Variants in MAP7 observed in about 807,000 individuals in gnomAD.
MAP7 encodes ensconsin.
In MAP7, 52 loss-of-function variants were observed where a neutral mutation model predicts 94.8. The ratio of observed to expected loss-of-function variants is 0.55; its 90% CI spans 0.44 to 0.69. MAP7 has a LOEUF of 0.69. Among genes scored for constraint, MAP7 ranks in the 30% least tolerant of loss-of-function variants. The pLI is 0.00. For missense variants in MAP7, 940 were observed against 964.6 expected (o/e 0.97, Z 0.34); for synonymous variants, 350 against 357.0 (o/e 0.98, Z 0.22).
chr6:136,357,093 T>C (rs777694089), intron 15 of MAP7, among the ~76,000 whole-genome samples: 2 of 152,210 alleles, frequency 1.3e-5, no homozygotes, highest in African/African-American at 2.4e-5. Flanking sequence ...TTACATGAAG[T>C]ATATAATATT....
intron 1 of MAP7, chr6:136,475,794 T>G (rs541338407): frequency 6.6e-6 from 1 of 152,272 alleles, no homozygotes; most frequent in African/African-American, 2.4e-5. Flanking sequence ...ATCTTCCCAA[T>G]GGAGAAGAGA....
intron 13 of MAP7, 122 bp from the exon 14 acceptor site, chr6:136,360,153 C>CA: frequency 1.7e-6 from 1 of 600,140 alleles, no homozygotes; most frequent in Non-Finnish European, 2.8e-6. Context: ...ACAATATGCA[C>CA]TTTTTTTTTT....
At chr6:136,377,624 C>A (rs1274129630) in intron 7 of MAP7, 131 bp downstream of exon 7, 5 of 661,248 alleles carry the variant, frequency 7.6e-6, no homozygotes, top group African/African-American at 7.1e-5. Flanking sequence ...GGTATGAAAC[C>A]AACACCGACA....
chr6:136,478,087 G>A (rs115464102), intron 1 of MAP7, among the ~76,000 whole-genome samples: 237 of 152,208 alleles, frequency 1.6e-3, no homozygotes, highest in African/African-American at 5.5e-3. Context: ...CAAATTTCTT[G>A]TAACAAATGA....
At chr6:136,538,165 TGCCCACA>T (rs1392256337) in intron 1 of MAP7, among the ~76,000 whole-genome samples, 17 of 152,230 alleles carry the variant, frequency 1.1e-4, no homozygotes, top group South Asian at 4.1e-4. Context: ...CTCACCCACA[TGCCCACA>T]CACCACACCC....
In MAP7 at chr6:136,361,063, C is replaced by T. The variant is rs773760531; in HGVS notation, c.1643G>A (p.Arg548Gln). ...GCGCAGCGCCCGCTCCTCCGCCTGC[C>T]GCTGCAGCTGCTCCTCCTTCTCCCG... ...QAREKEEQLQ[R>Q]QAEERALRER... Residue 548 changes from arginine to glutamine, a missense_variant, in exon 12 of 18, where the codon CGG becomes CAG. By Grantham distance (43) the Arg-to-Gln change is conservative. Transcript: ENST00000354570. 8 of 1,598,808 alleles carry T rather than the reference C, an allele frequency of 5.0e-6. 1 individual carries two copies. In the South Asian group the frequency reaches 6.6e-5, roughly 13 times the overall value.
At chr6:136,460,022 TC>T (rs986490626) in intron 1 of MAP7, among the ~76,000 whole-genome samples, 1 of 152,074 alleles carries the variant, frequency 6.6e-6, no homozygotes, top group African/African-American at 2.4e-5. Flanking sequence ...GACTCCACAA[TC>T]CCACTTTTGA....
At chr6:136,463,880 G>A (rs1188165782) in intron 1 of MAP7, among the ~76,000 whole-genome samples, 1 of 152,206 alleles carries the variant, frequency 6.6e-6, no homozygotes. Flanking sequence ...GTAAGTTTGA[G>A]AACAGCTAGT....
At chr6:136,386,558 G>C (rs1166107401) in intron 5 of MAP7, among the ~76,000 whole-genome samples, 3 of 152,118 alleles carry the variant, frequency 2.0e-5, no homozygotes, top group African/African-American at 7.2e-5. Flanking sequence ...TGTAAAGCAG[G>C]AAGTCAGGTA....
At chr6:136,352,301 C>T (rs1789472450) in intron 16 of MAP7, among the ~76,000 whole-genome samples, 1 of 151,828 alleles carries the variant, frequency 6.6e-6, no homozygotes. Context: ...CATCCTCCCA[C>T]CTCAGTCTCC....
At chr6:136,398,660 C>G (rs1437913706) in intron 3 of MAP7, among the ~76,000 whole-genome samples, 1 of 152,184 alleles carries the variant, frequency 6.6e-6, no homozygotes, top group Admixed American at 6.5e-5. Context: ...TTTGCTCTTG[C>G]CACCACCATG....
chr6:136,480,107 T>C (rs1418428105), intron 1 of MAP7, among the ~76,000 whole-genome samples: 2 of 152,200 alleles, frequency 1.3e-5, no homozygotes, highest in South Asian at 2.1e-4. Context: ...TGCAGAGTCA[T>C]AGTAACCAAA....
At chr6:136,493,578 G>A (rs1204302410) in intron 1 of MAP7, among the ~76,000 whole-genome samples, 1 of 152,030 alleles carries the variant, frequency 6.6e-6, no homozygotes, top group African/African-American at 2.4e-5. Flanking sequence ...GCCACACCTG[G>A]CTTCTATTTT....
intron 1 of MAP7, among the ~76,000 whole-genome samples, chr6:136,482,712 G>A (rs1813281790): frequency 6.6e-6 from 1 of 152,056 alleles, no homozygotes; most frequent in Non-Finnish European, 1.5e-5. Flanking sequence ...AAAGAAAATG[G>A]GCACTGTCTG....
chr6:136,494,093 CCTAT>C (rs1464357914), intron 1 of MAP7, among the ~76,000 whole-genome samples: 4 of 152,242 alleles, frequency 2.6e-5, no homozygotes, highest in African/African-American at 9.6e-5. Context: ...CTGGAAATAG[CCTAT>C]CTTAGTGTAA....
At chr6:136,530,047 T>C (rs1828348977) in intron 1 of MAP7, among the ~76,000 whole-genome samples, 1 of 152,262 alleles carries the variant, frequency 6.6e-6, no homozygotes, top group Non-Finnish European at 1.5e-5. Flanking sequence ...TTCACATTTA[T>C]GCTTCCTAGA....
At chr6:136,444,447 T>C (rs1798743013) in intron 1 of MAP7, among the ~76,000 whole-genome samples, 1 of 152,226 alleles carries the variant, frequency 6.6e-6, no homozygotes, top group Non-Finnish European at 1.5e-5. Context: ...TCTTTCAATC[T>C]ATGGATAGGC....
chr6:136,488,230 A>G (rs1169815378), intron 1 of MAP7, among the ~76,000 whole-genome samples: 1 of 152,168 alleles, frequency 6.6e-6, no homozygotes, highest in Non-Finnish European at 1.5e-5. Flanking sequence ...GGTAGTAGTG[A>G]CACTATCTTG....
intron 1 of MAP7, among the ~76,000 whole-genome samples, chr6:136,478,224 C>T (rs1335368929): frequency 6.6e-6 from 1 of 151,982 alleles, no homozygotes; most frequent in Non-Finnish European, 1.5e-5. Flanking sequence ...CAACATTGTA[C>T]AGAACAAGAA....
Sources: allele counts gnomAD v4.1 joint callset (sites outside exome capture counted in the v4.1 genomes callset), GRCh38; gene constraint gnomAD v4.1.1; transcripts MANE v1.5; gene names NCBI Gene and HGNC (gene_info 2026-07-23, HGNC 2026-07-21).